The following RFTN1 variants were observed in gnomAD, a reference collection of about 807,000 sequenced individuals.
RFTN1 encodes the protein raftlin.
RFTN1 carries 26 observed loss-of-function variants against 46.5 expected under a neutral mutation model. That is an observed-to-expected ratio of 0.56 (90% CI 0.41 to 0.78). RFTN1 has a LOEUF of 0.78. RFTN1 is among the 30% of genes least tolerant of loss of function. The pLI, the probability that RFTN1 is intolerant of heterozygous loss-of-function variation, is 0.00. For synonymous variants in RFTN1, 261 were observed against 284.2 expected, an observed-to-expected ratio of 0.92 and a Z score of 0.82; for missense variants, 693 against 718.7, an observed-to-expected ratio of 0.96 and a Z score of 0.41.
chr3:16,436,347 T>A (rs1043751819), intron 2 of RFTN1, among the ~76,000 whole-genome samples: 1 of 143,038 alleles, frequency 7.0e-6, no homozygotes, highest in African/African-American at 2.6e-5. Flanking sequence ...GGTTTTGCCA[T>A]GAAAAAAAAA....
intron 5 of RFTN1, among the ~76,000 whole-genome samples, chr3:16,375,978 C>T (rs4685330): frequency 0.16 from 23,610 of 152,126 alleles, 2,158 homozygotes; most frequent in South Asian, 0.24. Context: ...TGGGCACCTG[C>T]GGAAGTTCCT....
In RFTN1 at chr3:16,346,204, C is replaced by T. The variant is rs2071708148; in HGVS notation, c.1146+11728G>A. The T allele has an allele frequency of 6.6e-6, 1 of 152,176 alleles. No individual in the cohort carries two copies. Among genetic ancestry groups the T allele is most frequent in the Admixed American group, 6.5e-5 (1 of 15,280 alleles). 9.4% of individuals were successfully genotyped at this position (152,176 alleles called of 1,614,324 possible). A position where few individuals can be genotyped will look rare whatever the true frequency, so the allele number is the denominator to read the frequency against. On this transcript the variant is annotated intron_variant, in intron 7 of 9. Coordinates refer to ENST00000334133, the MANE Select transcript of RFTN1 (RefSeq NM_015150.2). The surrounding 1 kb of genome is among the most constrained non-coding windows in gnomAD (Gnocchi z 4.4). ...CATTTTTAATGACTACACACCTTCC[C>T]TTGACTAAATGGAATCAATCCTTCC...
chr3:16,411,235 C>T (rs2074974901), intron 3 of RFTN1, among the ~76,000 whole-genome samples: 1 of 152,200 alleles, frequency 6.6e-6, no homozygotes, highest in Admixed American at 6.5e-5. Context: ...ACATGCATCT[C>T]ACCAGTTTCT....
In RFTN1 at chr3:16,425,859, C is replaced by A. The variant is rs184649198; in HGVS notation, c.332+7992G>T. ...ATGCTGGACAGCTCCTCAGGGGGTA[C>A]GGTGGCAGCCCGGAGAGCTAATCAA... On this transcript the variant is annotated intron_variant, in intron 3 of 9. Transcript: ENST00000334133. This position sits in a 1 kb window ranked among gnomAD's most constrained non-coding sequence, Gnocchi z 4.3. 1.3e-5 allele frequency among the ~76,000 whole-genome samples: 2 copies of A among 152,046 alleles called. No homozygotes were observed. The highest frequency in any genetic ancestry group is 2.9e-5 in the Non-Finnish European group (2 of 67,990).
Position 16,499,445 on chromosome 3 carries a change from G to A in RFTN1, c.-8-5568C>T, listed in dbSNP as rs549566849. ...GAGGAAGCTCAAGTAGCCCCAAAGA[G>A]GGGCCCATGTGGAGAGGAACCGACA... On this transcript the variant is annotated intron_variant, in intron 1 of 9. Transcript: ENST00000334133. The surrounding 1 kb of genome is among the most constrained non-coding windows in gnomAD (Gnocchi z 4.9). Among the ~76,000 whole-genome samples the A allele has an allele frequency of 1.3e-5, 2 of 152,328 alleles. No individual in the cohort carries two copies. The highest frequency in any genetic ancestry group is 4.1e-4 in the South Asian group (2 of 4,822).
In RFTN1 at chr3:16,426,850, T is replaced by A. The variant is rs1264772587; in HGVS notation, c.332+7001A>T. 6.6e-6 allele frequency among the ~76,000 whole-genome samples: 1 copy of A among 152,250 alleles called. No homozygotes were observed. Among genetic ancestry groups the A allele is most frequent in the Non-Finnish European group, 1.5e-5 (1 of 68,042 alleles). On this transcript the variant is annotated intron_variant, in intron 3 of 9. Coordinates refer to ENST00000334133, the MANE Select transcript of RFTN1 (RefSeq NM_015150.2). This position sits in a 1 kb window ranked among gnomAD's most constrained non-coding sequence, Gnocchi z 5.9. The stretch of plus-strand genomic sequence containing the variant: ...GTAGCAAAATTCCAGGGCATGGTTT[T>A]ATCCCACTCAATTCATGCAAAATCT...
rs1350646760 is a variant in RFTN1, at chr3:16,381,780, A to G, written c.442-3678T>C. ...TTCTGGAACATGACATGAGAAACCA[A>G]GAGGAGCCCAGAAATGAAGCTTGAC... is the stretch of plus-strand genomic sequence containing the variant. On this transcript the variant is annotated intron_variant, in intron 4 of 9. Coordinates refer to ENST00000334133, the MANE Select transcript of RFTN1 (RefSeq NM_015150.2). This position sits in a 1 kb window ranked among gnomAD's most constrained non-coding sequence, Gnocchi z 4.2. 6.6e-6 allele frequency among the ~76,000 whole-genome samples: 1 copy of G among 152,178 alleles called. No homozygotes were observed. Among genetic ancestry groups the G allele is most frequent in the Non-Finnish European group, 1.5e-5 (1 of 68,032 alleles).
At chr3:16,328,135 G>T (rs550373574) in intron 7 of RFTN1, among the ~76,000 whole-genome samples, 3 of 152,360 alleles carry the variant, frequency 2.0e-5, no homozygotes, top group African/African-American at 7.2e-5. Flanking sequence ...GCACAAACAT[G>T]CCAGGAACTG....
chr3:16,345,815 T>TGTGTGC lies in RFTN1; in HGVS notation c.1146+12116_1146+12117insGCACAC, dbSNP rs1559843163. Among the ~76,000 whole-genome samples, 1 of 82,346 alleles carries TGTGTGC rather than the reference T, an allele frequency of 1.2e-5. No individual in the cohort carries two copies. Among genetic ancestry groups the TGTGTGC allele is most frequent in the Non-Finnish European group, 2.3e-5 (1 of 43,142 alleles). 54.0% of individuals were successfully genotyped at this position (82,346 alleles called of 152,430 possible). On this transcript the variant is annotated intron_variant, in intron 7 of 9. Coordinates refer to ENST00000334133, the MANE Select transcript of RFTN1 (RefSeq NM_015150.2). This position sits in a 1 kb window ranked among gnomAD's most constrained non-coding sequence, Gnocchi z 5.2. ...GTGTGTGTGTGTGTGTGTGTGTGTG[T>TGTGTGC]GTGCGCGCGCGCGTGCGCGCACGCG...
intron 3 of RFTN1, among the ~76,000 whole-genome samples, chr3:16,420,633 A>G (rs2075166441): frequency 6.6e-6 from 1 of 152,230 alleles, no homozygotes; most frequent in Non-Finnish European, 1.5e-5. Flanking sequence ...GAAATGTTCT[A>G]TATCTGTACA....
intron 5 of RFTN1, among the ~76,000 whole-genome samples, chr3:16,372,538 G>A (rs1444388576): frequency 2.0e-5 from 3 of 151,792 alleles, no homozygotes; most frequent in East Asian, 3.9e-4. Context: ...AGAAGAAGAA[G>A]AAAAAAATCA....
At chr3:16,441,264 C>T (rs1291150293) in intron 2 of RFTN1, among the ~76,000 whole-genome samples, 2 of 88,896 alleles carry the variant, frequency 2.2e-5, no homozygotes, top group African/African-American at 9.0e-5. Flanking sequence ...CAGAAAATAA[C>T]TCCATATAAA....
chr3:16,323,383 T>A lies in RFTN1; in HGVS notation c.1325A>T (p.Glu442Val). ...GCCATCAAAGTCTCTTACCTTCGAT[T>A]CCTTCTTCTTGATTTTCTGAGGTAG... Reference protein sequence around the residue: ...PCLPQKIKKKESKFQWRFSRE... With the variant: ...PCLPQKIKKKVSKFQWRFSRE... The change falls in exon 9 of 10, where the codon GAA becomes GTA. Residue 442 changes from glutamate (E) to valine (V), a missense_variant. By Grantham distance (121) the Glu-to-Val change is moderately radical. Transcript: ENST00000334133. The A allele has an allele frequency of 3.1e-6, 5 of 1,607,710 alleles. No individual in the cohort carries two copies. The highest frequency in any genetic ancestry group is 4.3e-6 in the Non-Finnish European group (5 of 1,174,342).
At position 16,475,291 on chromosome 3, in the gene RFTN1, T is replaced by C. The variant is rs1258800117; in HGVS notation, c.145+18434A>G. 2.6e-5 allele frequency among the ~76,000 whole-genome samples: 4 copies of C among 152,216 alleles called. No homozygotes were observed. The highest frequency in any genetic ancestry group is 4.1e-4 in the South Asian group (2 of 4,830). On this transcript the variant is annotated intron_variant, in intron 2 of 9. Transcript: ENST00000334133. This position sits in a 1 kb window ranked among gnomAD's most constrained non-coding sequence, Gnocchi z 4.2. The stretch of plus-strand genomic sequence containing the variant: ...TTGCCCAGTTTCAAGTATTCTTTTA[T>C]GGCAATACAAACAGACCAAGACACC...
At chr3:16,359,043 AAAAAAAAAAG>A (rs2072658498) in intron 6 of RFTN1, among the ~76,000 whole-genome samples, 2 of 151,154 alleles carry the variant, frequency 1.3e-5, no homozygotes, top group South Asian at 4.2e-4. Flanking sequence ...AAAAAAAAAA[AAAAAAAAAAG>A]AAATACTGAA....
rs1460972220 is a variant in RFTN1, at chr3:16,425,292, T to A, written c.332+8559A>T. 6.6e-6 allele frequency among the ~76,000 whole-genome samples: 1 copy of A among 152,140 alleles called. No individual in the cohort carries two copies. The highest frequency in any genetic ancestry group is 2.4e-5 in the African/African-American group (1 of 41,430). ...GGCCTCTATTTTATTTAAAAACAAA[T>A]ACAGACATTTCATGGTACTGAAGTA... is the stretch of plus-strand genomic sequence containing the variant. On this transcript the variant is annotated intron_variant, in intron 3 of 9. Coordinates refer to ENST00000334133, the MANE Select transcript of RFTN1 (RefSeq NM_015150.2). This position sits in a 1 kb window ranked among gnomAD's most constrained non-coding sequence, Gnocchi z 4.3.
rs560775336 is a variant in RFTN1 at position 16,345,081 on chromosome 3, C to G, written c.1146+12851G>C. ...CAAGAAAACAAGGACCTCAGACCTG[C>G]AACCACAAGGCCAACAACCTAAGTG... On this transcript the variant is annotated intron_variant, in intron 7 of 9. Transcript: ENST00000334133. This position sits in a 1 kb window ranked among gnomAD's most constrained non-coding sequence, Gnocchi z 5.2. 12 of 152,374 alleles carry G rather than the reference C, an allele frequency of 7.9e-5. No homozygotes were observed. The South Asian group carries it at 1.7e-3, about 21-fold the overall frequency. 9.4% of individuals were successfully genotyped at this position (152,374 alleles called of 1,614,324 possible).
intron 5 of RFTN1, 126 bp downstream of exon 5, chr3:16,377,592 G>A: frequency 7.0e-7 from 1 of 1,434,254 alleles, no homozygotes; most frequent in Non-Finnish European, 9.3e-7. Flanking sequence ...AGTTTCTCCT[G>A]TTTGATGGAC....
intron 2 of RFTN1, among the ~76,000 whole-genome samples, chr3:16,435,088 C>T (rs1415890451): frequency 6.6e-6 from 1 of 152,088 alleles, no homozygotes; most frequent in East Asian, 1.9e-4. Flanking sequence ...ACATCCTAGC[C>T]CTATCCTCTA....
Sources: gnomAD v4.1 joint callset for allele counts (sites outside exome capture counted in the v4.1 genomes callset) on GRCh38, gnomAD v4.1.1 for gene constraint, Gnocchi (gnomAD v3.1) non-coding constraint, MANE v1.5 for transcripts, NCBI Gene and HGNC (gene_info 2026-07-23, HGNC 2026-07-21) for gene names.